Variants in CAPZA1 observed in about 807,000 individuals in gnomAD.
CAPZA1 encodes capping actin protein of muscle Z-line subunit alpha 1.
A neutral mutation model predicts 40.8 loss-of-function variants in CAPZA1; 10 were observed. The observed-to-expected ratio is 0.25, with a 90% CI of 0.15 to 0.42. The LOEUF is 0.42. Ranked by LOEUF, CAPZA1 falls within the 10% of genes least tolerant of loss-of-function variation. CAPZA1 has a pLI of 1.00. For synonymous variants in CAPZA1, 98 were observed against 115.0 expected (o/e 0.85, Z 0.95); for missense variants, 277 against 353.8 (o/e 0.78, Z 1.74).
At chr1:112,626,696 G>A (rs1381377544) in intron 1 of CAPZA1, among the ~76,000 whole-genome samples, 1 of 151,892 alleles carries the variant, frequency 6.6e-6, no homozygotes, top group Non-Finnish European at 1.5e-5. Flanking sequence ...TTATCTCTCT[G>A]CCTCAGGCCT....
chr1:112,665,897 TTA>T (rs1317866806), intron 7 of CAPZA1, among the ~76,000 whole-genome samples: 1 of 152,222 alleles, frequency 6.6e-6, no homozygotes, highest in Non-Finnish European at 1.5e-5. Context: ...TGTTCTGGCA[TTA>T]TGTCTCCAAT....
rs140993095 is a variant in CAPZA1 at position 112,670,354 on chromosome 1, CT to C, written c.*229del. 4 of 130,686 alleles carry C rather than the reference CT, an allele frequency of 3.1e-5. No homozygotes were observed. Among genetic ancestry groups the C allele is most frequent in the Non-Finnish European group, 5.5e-5 (4 of 72,206 alleles). The allele number at this position is 130,686 out of a possible 1,614,324, so 8.1% of individuals were successfully genotyped here. A position where few individuals can be genotyped will look rare whatever the true frequency, so the allele number is the denominator to read the frequency against. ...GTTACTGCTATATCTACGTGTAAAT[CT>C]TTTTTTCTTTTTTTTTTTTTTTTTT... is the stretch of plus-strand genomic sequence containing the variant. On this transcript the variant is annotated 3_prime_UTR_variant, in exon 10 of 10. Coordinates refer to ENST00000263168, the MANE Select transcript of CAPZA1 (RefSeq NM_006135.3).
chr1:112,640,609 C>T (rs1164860899), intron 1 of CAPZA1, among the ~76,000 whole-genome samples: 3 of 150,584 alleles, frequency 2.0e-5, no homozygotes, highest in Admixed American at 6.6e-5. Context: ...GGGGGGTCAG[C>T]CCCCCGCCCG....
At chr1:112,657,738 CCCA>C (rs1303716977) in intron 5 of CAPZA1, among the ~76,000 whole-genome samples, 2 of 152,016 alleles carry the variant, frequency 1.3e-5, no homozygotes, top group African/African-American at 4.8e-5. Flanking sequence ...ATTACAGGTG[CCCA>C]CCACCACACC....
intron 1 of CAPZA1, among the ~76,000 whole-genome samples, chr1:112,645,473 AT>A (rs1186285361): frequency 6.6e-6 from 1 of 152,030 alleles, no homozygotes; most frequent in African/African-American, 2.4e-5. Context: ...GAAAATTAAA[AT>A]TTTTTAAAAA....
At chr1:112,641,634 A>G (rs1330597398) in intron 1 of CAPZA1, among the ~76,000 whole-genome samples, 2 of 152,136 alleles carry the variant, frequency 1.3e-5, no homozygotes, top group African/African-American at 4.8e-5. Context: ...TCACACCTGT[A>G]GTCCCAGCAC....
intron 7 of CAPZA1, among the ~76,000 whole-genome samples, chr1:112,665,763 T>C (rs1671713301): frequency 6.6e-6 from 1 of 152,164 alleles, no homozygotes; most frequent in Non-Finnish European, 1.5e-5. Flanking sequence ...CCTCATGACC[T>C]AATCACCTCC....
chr1:112,635,689 T>A (rs1671000900), intron 1 of CAPZA1, among the ~76,000 whole-genome samples: 1 of 152,152 alleles, frequency 6.6e-6, no homozygotes, highest in East Asian at 1.9e-4. Flanking sequence ...CTGAAAGTGC[T>A]GGGATTATAG....
At chr1:112,658,502 A>C (rs1671540514) in intron 5 of CAPZA1, among the ~76,000 whole-genome samples, 1 of 152,228 alleles carries the variant, frequency 6.6e-6, no homozygotes, top group African/African-American at 2.4e-5. Flanking sequence ...TTTATCTTGA[A>C]TACCAGTATT....
At chr1:112,657,479 C>A (rs1188572807) in intron 5 of CAPZA1, among the ~76,000 whole-genome samples, 1 of 152,238 alleles carries the variant, frequency 6.6e-6, no homozygotes, top group Non-Finnish European at 1.5e-5. Context: ...TCCTGAGTTA[C>A]CTGGTCCAGT....
At chr1:112,669,772 G>T (rs971082666) in intron 9 of CAPZA1, among the ~76,000 whole-genome samples, 167 bp downstream of exon 9, 1 of 152,196 alleles carries the variant, frequency 6.6e-6, no homozygotes, top group Non-Finnish European at 1.5e-5. Flanking sequence ...CTTACAGTCA[G>T]GGTTTGAGGA....
chr1:112,627,841 T>C (rs1215596164), intron 1 of CAPZA1, among the ~76,000 whole-genome samples: 1 of 150,378 alleles, frequency 6.6e-6, no homozygotes, highest in Admixed American at 6.7e-5. Context: ...ATGCCTGTAA[T>C]CCCAGCTACT....
At chr1:112,622,357 T>A (rs530939320) in intron 1 of CAPZA1, among the ~76,000 whole-genome samples, 92 of 152,326 alleles carry the variant, frequency 6.0e-4, no homozygotes, top group African/African-American at 2.1e-3. Context: ...AACAGGAAGT[T>A]GAAAGTGTAA....
At chr1:112,643,708 C>G (rs529174133) in intron 1 of CAPZA1, among the ~76,000 whole-genome samples, 1 of 152,176 alleles carries the variant, frequency 6.6e-6, no homozygotes, top group Non-Finnish European at 1.5e-5. Context: ...CTACCTTGCT[C>G]CATCAATCAC....
At chr1:112,657,515 G>A (rs769115725) in intron 5 of CAPZA1, among the ~76,000 whole-genome samples, 5 of 152,134 alleles carry the variant, frequency 3.3e-5, no homozygotes, top group Non-Finnish European at 5.9e-5. Flanking sequence ...CATGACTTCC[G>A]AATGGCATTT....
chr1:112,654,465 G>A lies in CAPZA1; in HGVS notation c.220G>A (p.Val74Ile). 1.2e-6 allele frequency: 2 copies of A among 1,603,450 alleles called. No individual in the cohort carries two copies. The highest frequency in any genetic ancestry group is 1.7e-6 in the Non-Finnish European group (2 of 1,171,984). Residue 74 changes from valine to isoleucine, a missense_variant and splice_region_variant, in exon 5 of 10, where the codon GTC (valine) becomes ATC (isoleucine). Coordinates refer to ENST00000263168, the MANE Select transcript of CAPZA1 (RefSeq NM_006135.3). ...PVKIEGYEDQ[V>I]LITEHGDLGN... ...CATATGTTTAATGATTCTTTGGAAG[G>A]TCTTAATTACAGAGCACGGTGACCT... is the stretch of plus-strand genomic sequence containing the variant.
intron 3 of CAPZA1, 24 bp downstream of exon 3, chr1:112,649,493 T>C (rs918231611): frequency 6.4e-7 from 1 of 1,571,140 alleles, no homozygotes; most frequent in Non-Finnish European, 8.8e-7. Context: ...CAAATCCACT[T>C]AGAATGTTAC....
rs867230867 is a variant in CAPZA1 at position 112,639,930 on chromosome 1, C to T, written c.40-7280C>T. On this transcript the variant is annotated intron_variant, in intron 1 of 9. Coordinates refer to ENST00000263168, the MANE Select transcript of CAPZA1 (RefSeq NM_006135.3). ...GAGGGAGGTGGGGGGGTCAGCCCCC[C>T]GCCCGGCCAGCCGCCCCGTCCGGGA... Among the ~76,000 whole-genome samples the T allele has an allele frequency of 3.0e-3, 294 of 97,916 alleles. 1 individual carries two copies. The highest frequency in any genetic ancestry group is 0.01 in the African/African-American group (265 of 26,500). 64.2% of individuals were successfully genotyped at this position (97,916 alleles called of 152,430 possible). A position where few individuals can be genotyped will look rare whatever the true frequency, so the allele number is the denominator to read the frequency against.
intron 1 of CAPZA1, among the ~76,000 whole-genome samples, chr1:112,620,986 G>C (rs764673469): frequency 2.0e-5 from 3 of 151,494 alleles, no homozygotes; most frequent in Admixed American, 6.5e-5. Context: ...ATCTACCTGG[G>C]TGTTTTTTTC....
Sources: allele counts gnomAD v4.1 joint callset (sites outside exome capture counted in the v4.1 genomes callset), GRCh38; gene constraint gnomAD v4.1.1; transcripts MANE v1.5; gene names NCBI Gene and HGNC (gene_info 2026-07-23, HGNC 2026-07-21).